The following RASA1 variants were observed in gnomAD, a reference collection of about 807,000 sequenced individuals.
The protein encoded by RASA1 is RAS p21 protein activator 1, also known as ras GTPase-activating protein 1.
A neutral mutation model predicts 132.2 loss-of-function variants in RASA1; 25 were observed. That is an observed-to-expected ratio of 0.19 (90% CI 0.14 to 0.26). RASA1 has a LOEUF of 0.26. Ranked by LOEUF, RASA1 falls within the 10% of genes least tolerant of loss-of-function variation. The probability of loss-of-function intolerance (pLI) is 1.00; values close to 1 mark genes in which losing one functional copy is unlikely to be tolerated. For missense variants in RASA1, 964 were observed against 1,299.2 expected (o/e 0.74, Z 3.97); for synonymous variants, 477 against 449.9 (o/e 1.06, Z -0.76).
intron 1 of RASA1, among the ~76,000 whole-genome samples, chr5:87,287,393 T>TACCATATATACACACCATATATAC (rs1561256781): frequency 7.6e-5 from 11 of 144,576 alleles, no homozygotes; most frequent in Admixed American, 1.4e-4. Context: ...ACCATATATA[T>TACCATATATACACACCATATATAC]ACCATATATA....
chr5:87,364,853 G>T (rs767990829), intron 11 of RASA1, among the ~76,000 whole-genome samples: 6 of 152,106 alleles, frequency 3.9e-5, no homozygotes, highest in Non-Finnish European at 8.8e-5. Context: ...CTGGGTTACT[G>T]AGGTAGCAAA....
At position 87,333,609 on chromosome 5, in the gene RASA1, C is replaced by A. The variant is rs200153311; in HGVS notation, c.899+272C>A. ...TCACAAAGTAAGGAGAGTTCTGCTT[C>A]AATCTATATGCTATGTAAATTTTTG... On this transcript the variant is annotated intron_variant, in intron 4 of 24. Coordinates refer to ENST00000274376, the MANE Select transcript of RASA1 (RefSeq NM_002890.3). 2.4e-3 allele frequency among the ~76,000 whole-genome samples: 370 copies of A among 152,290 alleles called. 4 individuals carry two copies. The highest frequency in any genetic ancestry group is 3.3e-3 in the East Asian group (17 of 5,188).
Position 87,364,568 on chromosome 5 carries a change from G to A in RASA1, c.1610+1064G>A, listed in dbSNP as rs576768645. ...AAAGAGTTGTTCCAAAAAACACAAAGATTGCGTGAGGACAGGATTTCTTGA... is the reference window on the plus strand; with the variant it reads ...AAAGAGTTGTTCCAAAAAACACAAAAATTGCGTGAGGACAGGATTTCTTGA... On this transcript the variant is annotated intron_variant, in intron 11 of 24. Transcript: ENST00000274376. Among the ~76,000 whole-genome samples the A allele has an allele frequency of 4.0e-3, 615 of 152,052 alleles. 6 individuals carry two copies. The highest frequency in any genetic ancestry group is 0.017 in the Middle Eastern group (5 of 294).
chr5:87,279,021 A>G (rs1249756272), intron 1 of RASA1, among the ~76,000 whole-genome samples: 2 of 139,568 alleles, frequency 1.4e-5, no homozygotes, highest in Non-Finnish European at 3.0e-5. Flanking sequence ...AGGCAGTTGG[A>G]TCGCTTGAGC....
At chr5:87,327,272 C>T (rs768969949) in intron 1 of RASA1, among the ~76,000 whole-genome samples, 2 of 152,154 alleles carry the variant, frequency 1.3e-5, no homozygotes, top group Admixed American at 6.6e-5. Context: ...AGCTAGGTGG[C>T]AGAGCTGGGA....
chr5:87,374,359 T>C, intron 14 of RASA1, 39 bp downstream of exon 14: 1 of 1,563,074 alleles, frequency 6.4e-7, no homozygotes, highest in Non-Finnish European at 8.7e-7. Flanking sequence ...CATTTTCTTT[T>C]ACCATATTGC....
At chr5:87,285,853 A>G (rs1352336567) in intron 1 of RASA1, among the ~76,000 whole-genome samples, 7 of 151,486 alleles carry the variant, frequency 4.6e-5, no homozygotes, top group Admixed American at 3.9e-4. Flanking sequence ...TCCTGACCCT[A>G]GGTAATCTGC....
intron 17 of RASA1, 78 bp downstream of exon 17, chr5:87,377,118 G>A: frequency 6.7e-7 from 1 of 1,491,892 alleles, no homozygotes. Context: ...CTCTATCTCT[G>A]AATATACTAA....
At chr5:87,330,870 T>C in intron 1 of RASA1, 7 of 938,170 alleles carry the variant, frequency 7.5e-6, no homozygotes, top group Non-Finnish European at 1.0e-5. Context: ...CTTTAGACAG[T>C]GTAATTCTGT....
intron 13 of RASA1, 113 bp from the exon 14 acceptor site, chr5:87,374,050 G>A (rs977910088): frequency 1.1e-4 from 100 of 945,336 alleles, no homozygotes; most frequent in Non-Finnish European, 1.2e-4. Context: ...TGAAAAAAAA[G>A]GGGAAAATAA....
At chr5:87,272,943 A>C (rs1053593387) in intron 1 of RASA1, among the ~76,000 whole-genome samples, 1 of 152,194 alleles carries the variant, frequency 6.6e-6, no homozygotes, top group African/African-American at 2.4e-5. Context: ...GTATTGAAGA[A>C]ATGTTGGACT....
At chr5:87,333,686 G>A (rs1454068007) in intron 4 of RASA1, among the ~76,000 whole-genome samples, 2 of 152,164 alleles carry the variant, frequency 1.3e-5, no homozygotes, top group Admixed American at 1.3e-4. Context: ...TCTACTTTAT[G>A]TAATGGGTGA....
chr5:87,390,766 T>A, intron 24 of RASA1, 34 bp from the exon 25 acceptor site: 1 of 1,560,118 alleles, frequency 6.4e-7, no homozygotes, highest in Non-Finnish European at 8.8e-7. Context: ...GACCGAGCTT[T>A]CATTTATTTT....
intron 5 of RASA1, among the ~76,000 whole-genome samples, chr5:87,340,575 C>G (rs562434384): frequency 4.6e-5 from 7 of 152,062 alleles, no homozygotes; most frequent in Admixed American, 2.6e-4. Context: ...ATGAGTAACA[C>G]TATTGTATCT....
chr5:87,332,674 CTTTATT>C (rs763439787), intron 3 of RASA1, 32 bp downstream of exon 3: 27 of 1,581,310 alleles, frequency 1.7e-5, no homozygotes, highest in Non-Finnish European at 2.2e-5. Context: ...TCTTTCAAAA[CTTTATT>C]TTTTCAGTAC....
At chr5:87,327,075 A>G (rs936128420) in intron 1 of RASA1, among the ~76,000 whole-genome samples, 3 of 152,160 alleles carry the variant, frequency 2.0e-5, no homozygotes, top group African/African-American at 7.2e-5. Context: ...TACTGGTTTG[A>G]TATTAATTAA....
chr5:87,298,672 A>G (rs1054764462), intron 1 of RASA1, among the ~76,000 whole-genome samples: 3 of 152,140 alleles, frequency 2.0e-5, no homozygotes, highest in Non-Finnish European at 2.9e-5. Flanking sequence ...TATTTTATAA[A>G]TCAATCATTG....
chr5:87,311,172 A>G (rs1480553045), intron 1 of RASA1, among the ~76,000 whole-genome samples: 1 of 152,216 alleles, frequency 6.6e-6, no homozygotes, highest in Non-Finnish European at 1.5e-5. Flanking sequence ...ACTTTGAAAA[A>G]TAGCTGACAA....
chr5:87,309,920 A>G (rs1256110387), intron 1 of RASA1, among the ~76,000 whole-genome samples: 1 of 152,126 alleles, frequency 6.6e-6, no homozygotes, highest in African/African-American at 2.4e-5. Flanking sequence ...GCTTTCTATT[A>G]TACATTAAAT....
Sources: allele counts gnomAD v4.1 joint callset (sites outside exome capture counted in the v4.1 genomes callset), GRCh38; gene constraint gnomAD v4.1.1; transcripts MANE v1.5; gene names NCBI Gene and HGNC (gene_info 2026-07-23, HGNC 2026-07-21).